ZNF717: variants seen among roughly 807,000 people sequenced by gnomAD.
ZNF717 encodes krueppel-like factor X17.
Under a neutral mutation model 13.8 loss-of-function variants are expected in ZNF717, and 9 were observed. That is an observed-to-expected ratio of 0.65 (90% CI 0.39 to 1.14). The LOEUF is 1.14. Among genes scored for constraint, ZNF717 ranks in the 50% most tolerant of loss-of-function variants. ZNF717 has a pLI of 0.01. For synonymous variants in ZNF717, 327 were observed against 364.1 expected (o/e 0.90, Z 1.16); for missense variants, 1,040 against 1,080.7 (o/e 0.96, Z 0.53).
chr3:75,726,093 TATTA>T (rs1480366678), downstream of ZNF717, among the ~76,000 whole-genome samples: 2 of 152,268 alleles, frequency 1.3e-5, no homozygotes, highest in Non-Finnish European at 2.9e-5. Context: ...TGTCATTATT[TATTA>T]ATTCTTTGCA....
At chr3:75,709,497 G>A (rs1302561789), downstream of ZNF717, 4 of 152,078 alleles carry the variant, frequency 2.6e-5, no homozygotes, top group African/African-American at 7.2e-5. Context: ...GAAACACAAA[G>A]GTTTTCAAAG....
At chr3:75,767,250 A>G (rs929591749) in intron 2 of ZNF717, among the ~76,000 whole-genome samples, 4 of 152,218 alleles carry the variant, frequency 2.6e-5, no homozygotes, top group African/African-American at 9.6e-5. Flanking sequence ...CCCACTCCCA[A>G]CAACTAGTGA....
At chr3:75,744,107 G>A (rs1337028841) in intron 2 of ZNF717, among the ~76,000 whole-genome samples, 6 of 152,264 alleles carry the variant, frequency 3.9e-5, no homozygotes, top group African/African-American at 7.2e-5. Context: ...AAGAGAAATA[G>A]ACTGTGAAGA....
chr3:75,756,364 A>G (rs577990450), intron 2 of ZNF717, among the ~76,000 whole-genome samples: 120 of 152,228 alleles, frequency 7.9e-4, no homozygotes, highest in Non-Finnish European at 1.3e-3. Flanking sequence ...AATAGCCTCT[A>G]TGTGTTCAAG....
chr3:75,763,471 C>G (rs1472666400), intron 2 of ZNF717, among the ~76,000 whole-genome samples: 2 of 152,232 alleles, frequency 1.3e-5, no homozygotes, highest in Non-Finnish European at 2.9e-5. Context: ...GACATTCAAC[C>G]TATAGCTGCA....
chr3:75,762,579 AG>A (rs1943127950), intron 2 of ZNF717, among the ~76,000 whole-genome samples: 1 of 152,210 alleles, frequency 6.6e-6, no homozygotes, highest in Admixed American at 6.5e-5. Flanking sequence ...ATCAATGAAA[AG>A]AAAAGCTGGG....
rs1474261149 is a variant in ZNF717, at chr3:75,695,739, AAAGTT to A, written n.1085+15443_1085+15447del. Reference sequence around the variant, plus strand: ...CCTGAATGATTAGTAGGTCGATAAAAAAGTTAAGAAGAAAATAGAAAAATTTCTTG... The same window carrying A: ...CCTGAATGATTAGTAGGTCGATAAAAAAGAAGAAAATAGAAAAATTTCTTG... On this transcript the variant is annotated intron_variant and non_coding_transcript_variant, in intron 6 of 6. Coordinates refer to the ZNF717 transcript ENST00000648506. Among the ~76,000 whole-genome samples, 422 of 152,360 alleles carry A rather than the reference AAAGTT, an allele frequency of 2.8e-3. 2 individuals are homozygous for A. The East Asian group carries it at 0.072, about 26-fold the overall frequency.
intron 4 of ZNF717, among the ~76,000 whole-genome samples, chr3:75,724,646 G>A: frequency 6.6e-6 from 1 of 152,166 alleles, no homozygotes; most frequent in Non-Finnish European, 1.5e-5. Context: ...CTTCATCAAG[G>A]ATATTCTTAA....
intron 6 of ZNF717, among the ~76,000 whole-genome samples, chr3:75,699,456 G>T (rs1937642671): frequency 6.6e-6 from 1 of 152,308 alleles, no homozygotes; most frequent in East Asian, 1.9e-4. Flanking sequence ...ATGACAGCAG[G>T]ATTTCCAAGA....
intron 2 of ZNF717, among the ~76,000 whole-genome samples, chr3:75,743,409 T>C (rs978364248): frequency 3.3e-5 from 5 of 152,214 alleles, no homozygotes; most frequent in African/African-American, 1.2e-4. Context: ...AGGGTGAATA[T>C]ACTTAATTAA....
At chr3:75,764,568 A>G (rs1288365179) in intron 2 of ZNF717, among the ~76,000 whole-genome samples, 1 of 152,264 alleles carries the variant, frequency 6.6e-6, no homozygotes, top group Non-Finnish European at 1.5e-5. Context: ...AAACCCCGCT[A>G]CAACCCAACA....
chr3:75,738,208 G>C lies in ZNF717; in HGVS notation c.1415C>G (p.Thr472Ser). The C allele has an allele frequency of 6.4e-7, 1 of 1,552,366 alleles. No individual in the cohort carries two copies. The highest frequency in any genetic ancestry group is 8.7e-7 in the Non-Finnish European group (1 of 1,143,920). ...TTCATAGGGTTTTTCCCCTGTGTGA[G>C]TTCTCTGATGTAACCTGAGGTTTGA... ...NKSNLRLHQRTHTGEKPYECN... is the reference protein window; with the variant it reads ...NKSNLRLHQRSHTGEKPYECN... The change falls in exon 5 of 5, where the codon ACT (threonine) becomes AGT (serine). Residue 472 changes from threonine to serine, a missense_variant. Coordinates refer to ENST00000652011, the MANE Select transcript of ZNF717 (RefSeq NM_001290208.3).
intron 2 of ZNF717, among the ~76,000 whole-genome samples, chr3:75,755,243 T>C (rs1444997636): frequency 6.6e-6 from 1 of 152,234 alleles, no homozygotes; most frequent in Non-Finnish European, 1.5e-5. Flanking sequence ...GAAACCTGGA[T>C]CAACATTTTT....
intron 2 of ZNF717, among the ~76,000 whole-genome samples, chr3:75,742,396 A>G (rs1331521093): frequency 2.0e-5 from 3 of 152,222 alleles, no homozygotes; most frequent in African/African-American, 7.2e-5. Context: ...ATATAAGTAT[A>G]AACACATACT....
Position 75,737,236 on chromosome 3 carries a change from T to A in ZNF717, c.2387A>T (p.Tyr796Phe), listed in dbSNP as rs77304443. The A allele has an allele frequency of 3.3e-6, 5 of 1,532,416 alleles. No homozygotes were observed. In the Admixed American group the frequency reaches 7.9e-5, roughly 24 times the overall value. The allele number at this position is 1,532,416 out of a possible 1,614,324, so 94.9% of individuals were successfully genotyped here. The change falls in exon 5 of 5, where the codon TAC becomes TTC. Residue 796 changes from tyrosine to phenylalanine, a missense_variant. By Grantham distance (22) the Tyr-to-Phe change is conservative (BLOSUM62 3). This residue lies in a region of ZNF717 where 873 missense variants were observed against 832.8 expected (regional missense o/e 1.05). Transcript: ENST00000652011. ...YECDECRKTF[Y>F]DKTVLTIHQR... is the part of the protein sequence containing the mutation. ...ATGTATGGTGAGAACTGTCTTATCG[T>A]AAAAAGTTTTCCTACATTCATCACA...
downstream of ZNF717, among the ~76,000 whole-genome samples, chr3:75,726,753 C>A (rs1938289085): frequency 6.6e-6 from 1 of 152,246 alleles, no homozygotes; most frequent in African/African-American, 2.4e-5. Flanking sequence ...ATTTTAGTAA[C>A]AAAAATGTAT....
At chr3:75,764,191 C>T (rs141039806) in intron 2 of ZNF717, among the ~76,000 whole-genome samples, 30 of 151,264 alleles carry the variant, frequency 2.0e-4, no homozygotes, top group Non-Finnish European at 3.0e-4. Flanking sequence ...TCCTCAATTG[C>T]TTTTGAGTGG....
At chr3:75,783,250 C>A in intron 2 of ZNF717, 56 bp downstream of exon 2, 2 of 1,314,900 alleles carry the variant, frequency 1.5e-6, no homozygotes, top group Non-Finnish European at 2.1e-6. Flanking sequence ...TCACAGACAC[C>A]CATAAACTCA....
At chr3:75,784,815 G>A (rs2107778730) in intron 1 of ZNF717, 1 of 152,106 alleles carries the variant, frequency 6.6e-6, no homozygotes, top group South Asian at 2.1e-4. Context: ...TGAAGCACCA[G>A]TGGGAGGTTA....
Sources: allele counts gnomAD v4.1 joint callset (sites outside exome capture counted in the v4.1 genomes callset), GRCh38; gene constraint gnomAD v4.1.1; regional missense constraint gnomAD v4.1.1; transcripts MANE v1.5; gene names NCBI Gene and HGNC (gene_info 2026-07-23, HGNC 2026-07-21).